Variants in MON2 observed in about 807,000 individuals in gnomAD.
The protein encoded by MON2 is MON2 regulator of endosome-to-Golgi trafficking.
MON2 carries 84 observed loss-of-function variants against 208.6 expected under a neutral mutation model. The observed-to-expected ratio is 0.40, with a 90% CI of 0.34 to 0.48. MON2 has a LOEUF of 0.48. Among genes scored for constraint, MON2 ranks in the 20% least tolerant of loss-of-function variants. The pLI, the probability that MON2 is intolerant of heterozygous loss-of-function variation, is 0.59. For missense variants in MON2, 1,611 were observed against 2,015.4 expected, an observed-to-expected ratio of 0.80 and a Z score of 3.84; for synonymous variants, 660 against 694.0, an observed-to-expected ratio of 0.95 and a Z score of 0.77.
At chr12:62,563,221 C>T (rs2074260419) in intron 26 of MON2, among the ~76,000 whole-genome samples, 1 of 152,198 alleles carries the variant, frequency 6.6e-6, no homozygotes, top group Non-Finnish European at 1.5e-5. Flanking sequence ...TCAGCCTCCT[C>T]ATCTATAAAG....
intron 4 of MON2, 96 bp downstream of exon 4, chr12:62,495,243 G>A: frequency 9.4e-7 from 1 of 1,066,916 alleles, no homozygotes; most frequent in Non-Finnish European, 1.3e-6. Context: ...TGAACCAAAA[G>A]CAACTTCCCT....
intron 4 of MON2, among the ~76,000 whole-genome samples, chr12:62,495,555 T>G (rs1448875255): frequency 1.3e-5 from 2 of 151,598 alleles, no homozygotes; most frequent in African/African-American, 2.4e-5. Context: ...CCAGGTGTAG[T>G]GGCGGGCGCC....
rs2075186051 is a variant in MON2 at position 62,585,311 on chromosome 12, C to T, written c.4717C>T (p.Arg1573Cys). The T allele has an allele frequency of 3.7e-6, 6 of 1,612,664 alleles. No individual in the cohort carries two copies. Among genetic ancestry groups the T allele is most frequent in the South Asian group, 2.2e-5 (2 of 90,970 alleles). Reference sequence around the variant, plus strand: ...TTTTACAGAAGCAGAGATTGATATTCGTTTGAGAGAGGAATTTTCTAAAAT... The same window carrying T: ...TTTTACAGAAGCAGAGATTGATATTTGTTTGAGAGAGGAATTTTCTAAAAT... Reference protein sequence around the residue: ...SSFTEAEIDIRLREEFSKMCF... With the variant: ...SSFTEAEIDICLREEFSKMCF... The change falls in exon 33 of 35, where the codon CGT becomes TGT. Residue 1573 changes from arginine to cysteine, a missense_variant. Transcript: ENST00000393630.
chr12:62,550,254 G>A (rs988760019), intron 23 of MON2, among the ~76,000 whole-genome samples: 1 of 152,186 alleles, frequency 6.6e-6, no homozygotes, highest in Non-Finnish European at 1.5e-5. Flanking sequence ...TTCAGGCTGG[G>A]CATGGTAGCT....
chr12:62,544,350 T>C lies in MON2; in HGVS notation c.2467-548T>C, dbSNP rs1018657941. Among the ~76,000 whole-genome samples the C allele has an allele frequency of 4.6e-5, 7 of 152,040 alleles. No individual in the cohort carries two copies. In the East Asian group the frequency reaches 1.4e-3, roughly 29 times the overall value. ...GGTTCTAACTACTTGGGAGGCTGAATGGGGAGAATTGCTTGAACCCAGGAA... is the reference window on the plus strand; with the variant it reads ...GGTTCTAACTACTTGGGAGGCTGAACGGGGAGAATTGCTTGAACCCAGGAA... On this transcript the variant is annotated intron_variant, in intron 20 of 34. Coordinates refer to ENST00000393630, the MANE Select transcript of MON2 (RefSeq NM_015026.3).
In MON2 at chr12:62,580,407, A is replaced by G. The variant is rs867070217; in HGVS notation, c.4686A>G (p.Ser1562=). Residue 1562 remains serine (S), a synonymous_variant, in exon 32 of 35, where the codon TCA becomes TCG. Coordinates refer to ENST00000393630, the MANE Select transcript of MON2 (RefSeq NM_015026.3). ...ACAAGGGCTCAATACATTCTCAGTC[A>G]TCTTCATTTACAGGTATGTTAATTT... ...MLNKGSIHSQ[S]SSFTEAEIDI... The G allele has an allele frequency of 6.3e-7, 1 of 1,599,346 alleles. No homozygotes were observed. The highest frequency in any genetic ancestry group is 1.7e-4 in the Middle Eastern group (1 of 6,012).
At chr12:62,547,215 C>T (rs1004101266) in intron 22 of MON2, 143 bp downstream of exon 22, 22 of 521,336 alleles carry the variant, frequency 4.2e-5, no homozygotes, top group African/African-American at 1.4e-4. Flanking sequence ...TTCATGTATG[C>T]GCTTCCTGCT....
At chr12:62,511,636 C>T (rs1397655471) in intron 8 of MON2, among the ~76,000 whole-genome samples, 1 of 152,112 alleles carries the variant, frequency 6.6e-6, no homozygotes, top group African/African-American at 2.4e-5. Flanking sequence ...GACCTAAACA[C>T]AAGATTTAAA....
rs140366824 is a variant in MON2, at chr12:62,518,951, A to C, written c.985-5564A>C. On this transcript the variant is annotated intron_variant, in intron 8 of 34. Transcript: ENST00000393630. Reference sequence around the variant, plus strand: ...ATGCCTGGTAGTTGGGGGGCAAGCTATATATGGTTGATGTGTGATGCCTCT... The same window carrying C: ...ATGCCTGGTAGTTGGGGGGCAAGCTCTATATGGTTGATGTGTGATGCCTCT... Among the ~76,000 whole-genome samples the C allele has an allele frequency of 1.7e-3, 253 of 152,248 alleles. 2 individuals carry two copies. The highest frequency in any genetic ancestry group is 5.7e-3 in the African/African-American group (238 of 41,540).
chr12:62,523,848 G>A (rs2136183717), intron 8 of MON2, among the ~76,000 whole-genome samples: 1 of 152,210 alleles, frequency 6.6e-6, no homozygotes, highest in African/African-American at 2.4e-5. Context: ...TTGGATGAAC[G>A]GGTTAGCTTT....
rs1555182673 is a variant in MON2 at position 62,595,157 on chromosome 12, TC to T, written c.*2409del. ...ATACTATGAGTTTTTTTTTTTTTTT[TC>T]ATTTGAGACGGAGTCTCGCTCTGTC... On this transcript the variant is annotated 3_prime_UTR_variant, in exon 35 of 35. Coordinates refer to ENST00000393630, the MANE Select transcript of MON2 (RefSeq NM_015026.3). 2 of 151,860 alleles carry T rather than the reference TC, an allele frequency of 1.3e-5. No individual in the cohort carries two copies. The highest frequency in any genetic ancestry group is 6.6e-5 in the Admixed American group (1 of 15,234). 9.4% of individuals were successfully genotyped at this position (151,860 alleles called of 1,614,324 possible).
chr12:62,529,360 A>G (rs1255829452), intron 11 of MON2, among the ~76,000 whole-genome samples: 1 of 152,148 alleles, frequency 6.6e-6, no homozygotes, highest in Non-Finnish European at 1.5e-5. Flanking sequence ...GAGATAATAC[A>G]TATTAAAAAA....
intron 30 of MON2, 110 bp downstream of exon 30, chr12:62,571,692 G>A: frequency 1.1e-5 from 10 of 908,334 alleles, no homozygotes; most frequent in Admixed American, 3.1e-5. Flanking sequence ...TATAAAGGTT[G>A]CTAGATTGTA....
chr12:62,525,196 A>G lies in MON2; in HGVS notation c.1222A>G (p.Asn408Asp). The change falls in exon 10 of 35, where the codon AAT becomes GAT. Residue 408 changes from asparagine (N) to aspartate (D), a missense_variant. Coordinates refer to ENST00000393630, the MANE Select transcript of MON2 (RefSeq NM_015026.3). ...CTTGTTTCTTGTCCCCCCTACTGGAAATCCTGCAACAAGCAACCAAGCTGG... is the reference window on the plus strand; with the variant it reads ...CTTGTTTCTTGTCCCCCCTACTGGAGATCCTGCAACAAGCAACCAAGCTGG... ...QSLFLVPPTGNPATSNQAGNN... is the reference protein window; with the variant it reads ...QSLFLVPPTGDPATSNQAGNN... 1 of 1,613,394 alleles carries G rather than the reference A, an allele frequency of 6.2e-7. No homozygotes were observed. The highest frequency in any genetic ancestry group is 8.5e-7 in the Non-Finnish European group (1 of 1,179,566).
intron 24 of MON2, 66 bp from the exon 25 acceptor site, chr12:62,555,928 G>A (rs753581075): frequency 8.6e-7 from 1 of 1,168,692 alleles, no homozygotes; most frequent in African/African-American, 1.5e-5. Flanking sequence ...TTATGCTGTT[G>A]CTCCTATGCT....
chr12:62,555,569 G>A (rs1036673183), intron 24 of MON2, among the ~76,000 whole-genome samples: 3 of 152,122 alleles, frequency 2.0e-5, no homozygotes, highest in African/African-American at 7.2e-5. Flanking sequence ...CAACACTTTG[G>A]GAGGTCGAGG....
intron 8 of MON2, among the ~76,000 whole-genome samples, chr12:62,520,152 T>C (rs1440964440): frequency 1.3e-5 from 2 of 152,240 alleles, no homozygotes; most frequent in Non-Finnish European, 2.9e-5. Flanking sequence ...AACGTTTTTA[T>C]ACTGTGTTAC....
At chr12:62,472,187 G>A (rs1043875408) in intron 1 of MON2, among the ~76,000 whole-genome samples, 2 of 152,180 alleles carry the variant, frequency 1.3e-5, no homozygotes, top group Non-Finnish European at 2.9e-5. Context: ...ACTGGATGAT[G>A]ATGGGAAGGT....
intron 32 of MON2, among the ~76,000 whole-genome samples, chr12:62,584,359 GA>G (rs1432332546): frequency 1.3e-5 from 2 of 152,078 alleles, no homozygotes; most frequent in Admixed American, 1.3e-4. Flanking sequence ...TGTTTCTTAG[GA>G]AGCTACTTCA....
Sources: gnomAD v4.1 joint callset for allele counts (sites outside exome capture counted in the v4.1 genomes callset) on GRCh38, gnomAD v4.1.1 for gene constraint, MANE v1.5 for transcripts, NCBI Gene and HGNC (gene_info 2026-07-23, HGNC 2026-07-21) for gene names.